SSBP2: variants seen among roughly 807,000 people sequenced by gnomAD.
SSBP2 encodes the protein single stranded DNA binding protein 2, also known as single-stranded DNA-binding protein 2.
In SSBP2, 17 loss-of-function variants were observed where a neutral mutation model predicts 61.8. The observed-to-expected ratio is 0.28, with a 90% CI of 0.19 to 0.41. SSBP2 has a LOEUF of 0.41. SSBP2 is among the 10% of genes least tolerant of loss of function. The pLI, the probability that SSBP2 is intolerant of heterozygous loss-of-function variation, is 1.00. For missense variants in SSBP2, 310 were observed against 458.7 expected (o/e 0.68, Z 2.96); for synonymous variants, 139 against 141.3 (o/e 0.98, Z 0.12).
chr5:81,576,362 A>G (rs1774212594), intron 4 of SSBP2, among the ~76,000 whole-genome samples: 2 of 152,176 alleles, frequency 1.3e-5, no homozygotes, highest in Admixed American at 1.3e-4. Flanking sequence ...TAACTTACAT[A>G]TAACACTATA....
intron 2 of SSBP2, among the ~76,000 whole-genome samples, chr5:81,649,805 G>A (rs551125283): frequency 1.8e-4 from 28 of 151,594 alleles, no homozygotes; most frequent in African/African-American, 6.8e-4. Context: ...GAAAGAAAGT[G>A]AAGGTGGAGA....
intron 4 of SSBP2, among the ~76,000 whole-genome samples, chr5:81,570,060 C>A (rs542647208): frequency 1.3e-5 from 2 of 152,036 alleles, no homozygotes; most frequent in East Asian, 3.9e-4. Context: ...TAACAGTAAA[C>A]CCTTATAATT....
chr5:81,520,224 A>G (rs1246936608), intron 4 of SSBP2, among the ~76,000 whole-genome samples: 4 of 152,114 alleles, frequency 2.6e-5, no homozygotes, highest in Non-Finnish European at 4.4e-5. Flanking sequence ...ACCTCAAGTG[A>G]TCCACCCACC....
At chr5:81,721,839 A>G (rs559038943) in intron 1 of SSBP2, among the ~76,000 whole-genome samples, 1 of 152,030 alleles carries the variant, frequency 6.6e-6, no homozygotes, top group Non-Finnish European at 1.5e-5. Flanking sequence ...AAAATCTCCA[A>G]GTTCACTGAT....
intron 4 of SSBP2, among the ~76,000 whole-genome samples, chr5:81,586,259 C>CA (rs1337530584): frequency 6.6e-6 from 1 of 152,038 alleles, no homozygotes; most frequent in Non-Finnish European, 1.5e-5. Context: ...TCATTCTCAC[C>CA]AAAAGTGTAC....
intron 5 of SSBP2, among the ~76,000 whole-genome samples, chr5:81,510,618 G>A (rs1274092412): frequency 3.3e-5 from 5 of 151,992 alleles, no homozygotes; most frequent in African/African-American, 4.8e-5. Flanking sequence ...AAAATTAGCC[G>A]GGCGTGGTGG....
At chr5:81,657,352 T>C (rs1431128752) in intron 1 of SSBP2, among the ~76,000 whole-genome samples, 6 of 152,182 alleles carry the variant, frequency 3.9e-5, no homozygotes, top group African/African-American at 1.4e-4. Flanking sequence ...TAGATTATGA[T>C]AAATACATGT....
At chr5:81,727,275 T>C (rs902747089) in intron 1 of SSBP2, among the ~76,000 whole-genome samples, 1 of 152,104 alleles carries the variant, frequency 6.6e-6, no homozygotes, top group African/African-American at 2.4e-5. Flanking sequence ...ATGGGCCAGG[T>C]GCAGTGGCTC....
chr5:81,444,481 T>C (rs907702617), intron 12 of SSBP2, among the ~76,000 whole-genome samples: 3 of 152,204 alleles, frequency 2.0e-5, no homozygotes, highest in African/African-American at 4.8e-5. Context: ...AATACTTTAC[T>C]GCTTTATTCG....
At chr5:81,500,221 T>G (rs1411958187) in intron 5 of SSBP2, among the ~76,000 whole-genome samples, 1 of 147,790 alleles carries the variant, frequency 6.8e-6, no homozygotes, top group East Asian at 2.0e-4. Flanking sequence ...AAAACATAAC[T>G]TTTTTTTTTT....
chr5:81,495,969 T>C (rs1334433634), intron 5 of SSBP2, among the ~76,000 whole-genome samples: 3 of 152,086 alleles, frequency 2.0e-5, no homozygotes, highest in African/African-American at 7.2e-5. Flanking sequence ...TTTAGAACAA[T>C]CAATGATGAA....
At chr5:81,437,491 AG>A in intron 14 of SSBP2, 33 bp from the exon 15 acceptor site, 1 of 1,574,036 alleles carries the variant, frequency 6.4e-7, no homozygotes, top group Non-Finnish European at 8.7e-7. Flanking sequence ...AGCCTTTATT[AG>A]GTAAGATTTC....
chr5:81,692,941 C>T (rs1753315368), intron 1 of SSBP2, among the ~76,000 whole-genome samples: 1 of 152,082 alleles, frequency 6.6e-6, no homozygotes, highest in South Asian at 2.1e-4. Flanking sequence ...TGTGGTGGCT[C>T]ACGCCTGTAA....
intron 4 of SSBP2, among the ~76,000 whole-genome samples, chr5:81,560,991 G>A (rs1773001032): frequency 6.6e-6 from 1 of 152,122 alleles, no homozygotes; most frequent in African/African-American, 2.4e-5. Flanking sequence ...AAGTGCTCAT[G>A]TCCTACTGCT....
At chr5:81,510,981 G>C (rs184553571) in intron 5 of SSBP2, among the ~76,000 whole-genome samples, 116 of 152,136 alleles carry the variant, frequency 7.6e-4, no homozygotes, top group African/African-American at 2.6e-3. Flanking sequence ...GGCCCCTGCA[G>C]TCCCTCTCAA....
At chr5:81,469,821 C>A (rs1419941541) in intron 8 of SSBP2, among the ~76,000 whole-genome samples, 2 of 151,930 alleles carry the variant, frequency 1.3e-5, no homozygotes, top group Non-Finnish European at 2.9e-5. Flanking sequence ...GCAACAAAGG[C>A]AGAATGGGAA....
At chr5:81,747,815 T>C (rs1263281088) in intron 1 of SSBP2, among the ~76,000 whole-genome samples, 1 of 152,106 alleles carries the variant, frequency 6.6e-6, no homozygotes, top group Non-Finnish European at 1.5e-5. Flanking sequence ...TTAATCACAA[T>C]TGCGATTAGT....
At position 81,477,513 on chromosome 5, in the gene SSBP2, A is replaced by G. The variant is rs558079324; in HGVS notation, c.433-2951T>C. Among the ~76,000 whole-genome samples, 6 of 152,156 alleles carry G rather than the reference A, an allele frequency of 3.9e-5. No homozygotes were observed. In the East Asian group the frequency reaches 7.7e-4, roughly 20 times the overall value. On this transcript the variant is annotated intron_variant, in intron 6 of 16. Transcript: ENST00000320672. ...TAGTTACTTATTACTCCTCAATACA[A>G]TTATGTATTTATTCAATCAGTGTAT...
Position 81,711,022 on chromosome 5 carries a change from G to GT in SSBP2, c.62+39958dup, listed in dbSNP as rs565166999. Among the ~76,000 whole-genome samples the GT allele has an allele frequency of 6.2e-4, 95 of 152,084 alleles. 2 individuals carry two copies. The South Asian group carries it at 0.019, about 30-fold the overall frequency. ...GTGTCTAGATTGGAATATAACTACC[G>GT]TATCTAATGCTCTTAAAGTTCATTT... is the stretch of plus-strand genomic sequence containing the variant. On this transcript the variant is annotated intron_variant, in intron 1 of 16. Coordinates refer to ENST00000320672, the MANE Select transcript of SSBP2 (RefSeq NM_012446.5).
Sources: gnomAD v4.1 joint callset for allele counts (sites outside exome capture counted in the v4.1 genomes callset) on GRCh38, gnomAD v4.1.1 for gene constraint, MANE v1.5 for transcripts, NCBI Gene and HGNC (gene_info 2026-07-23, HGNC 2026-07-21) for gene names.